The following ABLIM2 variants were observed in gnomAD, a reference collection of about 807,000 sequenced individuals.
The protein encoded by ABLIM2 is actin binding LIM protein family member 2, also known as actin-binding LIM protein 2.
Under a neutral mutation model 97.7 loss-of-function variants are expected in ABLIM2, and 53 were observed. That is an observed-to-expected ratio of 0.54 (90% confidence interval 0.44 to 0.68). The LOEUF (loss-of-function observed/expected upper bound fraction) is 0.68. ABLIM2 is among the 30% of genes least tolerant of loss of function. The probability of loss-of-function intolerance (pLI) is 0.00; values close to 1 mark genes in which losing one functional copy is unlikely to be tolerated. For missense variants in ABLIM2, 835 were observed against 867.2 expected, an observed-to-expected ratio of 0.96 and a Z score of 0.47; for synonymous variants, 361 against 345.8, an observed-to-expected ratio of 1.04 and a Z score of -0.49.
rs916606737 is a variant in ABLIM2, at chr4:7,996,856, A to G, written c.1619-3929T>C. ...TGTGGCTTCTGATGAGAAATCTGCT[A>G]TCGCTTGAATTGGTGTTTCCCCTCT... is the stretch of plus-strand genomic sequence containing the variant. On this transcript the variant is annotated intron_variant, in intron 16 of 20. Transcript: ENST00000447017. This position sits in a 1 kb window ranked among gnomAD's most constrained non-coding sequence, Gnocchi z 4.5. Among the ~76,000 whole-genome samples the G allele has an allele frequency of 1.3e-5, 2 of 152,178 alleles. No homozygotes were observed. Among genetic ancestry groups the G allele is most frequent in the South Asian group, 2.1e-4 (1 of 4,832 alleles).
chr4:8,038,374 C>T (rs747468189), intron 9 of ABLIM2, among the ~76,000 whole-genome samples: 5 of 152,202 alleles, frequency 3.3e-5, no homozygotes, highest in Non-Finnish European at 5.9e-5. Context: ...CTCTCAGGCC[C>T]AGATGCATCC....
intron 20 of ABLIM2, among the ~76,000 whole-genome samples, chr4:7,981,311 T>C (rs1738213519): frequency 6.6e-6 from 1 of 152,136 alleles, no homozygotes; most frequent in Non-Finnish European, 1.5e-5. Context: ...CTTAACTCTT[T>C]CAACCAAGTG....
intron 20 of ABLIM2, among the ~76,000 whole-genome samples, chr4:7,975,021 C>T (rs1046777841): frequency 1.3e-5 from 2 of 152,148 alleles, no homozygotes; most frequent in African/African-American, 4.8e-5. Flanking sequence ...GAATTTGAGA[C>T]CAGCCAGGGC....
chr4:8,088,513 C>A (rs1032791425), intron 3 of ABLIM2, among the ~76,000 whole-genome samples: 1 of 152,238 alleles, frequency 6.6e-6, no homozygotes, highest in Non-Finnish European at 1.5e-5. Flanking sequence ...TCTGTACCAA[C>A]AGGCAGAATC....
At position 8,149,998 on chromosome 4, in the gene ABLIM2, G is replaced by A. The variant is rs1231988907; in HGVS notation, c.10+8682C>T. ...CCCTTACCCTCCTCACACCTCCCTCGTGCTTCCTGGGGTCACCTCCTAGGT... is the reference window on the plus strand; with the variant it reads ...CCCTTACCCTCCTCACACCTCCCTCATGCTTCCTGGGGTCACCTCCTAGGT... On this transcript the variant is annotated intron_variant, in intron 1 of 20. Coordinates refer to ENST00000447017, the MANE Select transcript of ABLIM2 (RefSeq NM_001130083.2). This position sits in a 1 kb window ranked among gnomAD's most constrained non-coding sequence, Gnocchi z 6.4. Among the ~76,000 whole-genome samples the A allele has an allele frequency of 1.3e-5, 2 of 151,364 alleles. No individual in the cohort carries two copies. The highest frequency in any genetic ancestry group is 2.1e-4 in the South Asian group (1 of 4,780).
intron 5 of ABLIM2, among the ~76,000 whole-genome samples, chr4:8,078,870 G>C (rs1471594293): frequency 6.6e-6 from 1 of 152,252 alleles, no homozygotes; most frequent in Non-Finnish European, 1.5e-5. Flanking sequence ...GGGGGTGACT[G>C]GCACAGAGCG....
chr4:7,975,373 C>T (rs960566232), intron 20 of ABLIM2, among the ~76,000 whole-genome samples: 7 of 152,194 alleles, frequency 4.6e-5, no homozygotes, highest in African/African-American at 1.7e-4. Flanking sequence ...TTCATCTGAC[C>T]CTCTTCCATG....
chr4:8,064,196 C>T (rs1209444085), intron 6 of ABLIM2, among the ~76,000 whole-genome samples: 1 of 152,196 alleles, frequency 6.6e-6, no homozygotes, highest in Non-Finnish European at 1.5e-5. Context: ...GCTGAGAAAC[C>T]CTTTGTCCTT....
Position 8,073,551 on chromosome 4 carries a change from G to A in ABLIM2, c.675+4077C>T, listed in dbSNP as rs189654243. ...GGGCTGAGCAAGGGGAGGGGTGAGG[G>A]AGGGAGAGGCCACGGCCCCAGGAGA... On this transcript the variant is annotated intron_variant, in intron 6 of 20. Transcript: ENST00000447017. Among the ~76,000 whole-genome samples, 813 of 152,122 alleles carry A rather than the reference G, an allele frequency of 5.3e-3. 9 individuals carry two copies. The highest frequency in any genetic ancestry group is 0.019 in the African/African-American group (792 of 41,506).
At chr4:8,096,374 C>T (rs2152648469) in intron 3 of ABLIM2, among the ~76,000 whole-genome samples, 1 of 152,318 alleles carries the variant, frequency 6.6e-6, no homozygotes, top group Non-Finnish European at 1.5e-5. Context: ...TGTCAACCCT[C>T]ATCTCTAAGC....
chr4:8,006,199 T>C (rs1761167518), intron 16 of ABLIM2, among the ~76,000 whole-genome samples: 2 of 152,218 alleles, frequency 1.3e-5, no homozygotes, highest in Non-Finnish European at 2.9e-5. Flanking sequence ...AGGCCACATG[T>C]GCAGGTCACA....
chr4:8,001,791 C>A lies in ABLIM2; in HGVS notation c.1618+6268G>T, dbSNP rs1757379531. Among the ~76,000 whole-genome samples the A allele has an allele frequency of 6.6e-6, 1 of 152,164 alleles. No individual in the cohort carries two copies. The highest frequency in any genetic ancestry group is 1.5e-5 in the Non-Finnish European group (1 of 68,024). ...CAGGATCAGCCCTGCTGGCTGCCCCCTTCCCCACTTCCCTGGCCCACTTCC... is the reference window on the plus strand; with the variant it reads ...CAGGATCAGCCCTGCTGGCTGCCCCATTCCCCACTTCCCTGGCCCACTTCC... On this transcript the variant is annotated intron_variant, in intron 16 of 20. Transcript: ENST00000447017. This position sits in a 1 kb window ranked among gnomAD's most constrained non-coding sequence, Gnocchi z 4.2.
chr4:8,119,312 TC>T (rs1447365310), intron 1 of ABLIM2, among the ~76,000 whole-genome samples: 15 of 147,678 alleles, frequency 1.0e-4, no homozygotes, highest in African/African-American at 3.7e-4. Flanking sequence ...GGCACAGGTC[TC>T]GGGCTTCCTT....
intron 1 of ABLIM2, among the ~76,000 whole-genome samples, chr4:8,126,387 C>T (rs1847938325): frequency 6.6e-6 from 1 of 151,854 alleles, no homozygotes; most frequent in Non-Finnish European, 1.5e-5. Flanking sequence ...ACCCCCTGCT[C>T]TGCTTCCAGG....
At chr4:8,037,955 A>G (rs1785631478) in intron 9 of ABLIM2, among the ~76,000 whole-genome samples, 1 of 152,108 alleles carries the variant, frequency 6.6e-6, no homozygotes, top group Non-Finnish European at 1.5e-5. Context: ...CCCACTGTGC[A>G]CTGTGCACGT....
chr4:8,154,517 T>C (rs1380380723), intron 1 of ABLIM2, among the ~76,000 whole-genome samples: 1 of 151,734 alleles, frequency 6.6e-6, no homozygotes, highest in Non-Finnish European at 1.5e-5. Flanking sequence ...CCTGACCTTG[T>C]GATCCACCCG....
At chr4:7,969,533 C>A (rs1725861557) in intron 20 of ABLIM2, among the ~76,000 whole-genome samples, 1 of 152,128 alleles carries the variant, frequency 6.6e-6, no homozygotes, top group African/African-American at 2.4e-5. Flanking sequence ...GAAGTGGAGA[C>A]ATCTGGTCAA....
rs1455889758 is a variant in ABLIM2 at position 8,122,649 on chromosome 4, T to C, written c.11-16012A>G. Among the ~76,000 whole-genome samples, 1 of 152,188 alleles carries C rather than the reference T, an allele frequency of 6.6e-6. No individual in the cohort carries two copies. The highest frequency in any genetic ancestry group is 2.4e-5 in the African/African-American group (1 of 41,438). Reference sequence around the variant, plus strand: ...GGGGGTTTGGGCTTCCAAGTGTGAATGCTAGGGGAACATGAACATTCACTT... The same window carrying C: ...GGGGGTTTGGGCTTCCAAGTGTGAACGCTAGGGGAACATGAACATTCACTT... On this transcript the variant is annotated intron_variant, in intron 1 of 20. Transcript: ENST00000447017. The surrounding 1 kb of genome is among the most constrained non-coding windows in gnomAD (Gnocchi z 4.1).
chr4:8,011,070 T>C (rs935720510), intron 14 of ABLIM2, among the ~76,000 whole-genome samples: 2 of 152,220 alleles, frequency 1.3e-5, no homozygotes, highest in Admixed American at 1.3e-4. Context: ...CATGGACAAT[T>C]AAGTCGTCGC....
Sources: allele counts gnomAD v4.1 joint callset (sites outside exome capture counted in the v4.1 genomes callset), GRCh38; gene constraint gnomAD v4.1.1; non-coding constraint Gnocchi (gnomAD v3.1); transcripts MANE v1.5; gene names NCBI Gene and HGNC (gene_info 2026-07-23, HGNC 2026-07-21).